Variants in CCDC83 observed in about 807,000 individuals in gnomAD.
CCDC83 encodes coiled-coil domain containing 83.
A neutral mutation model predicts 50.1 loss-of-function variants in CCDC83; 54 were observed. The ratio of observed to expected loss-of-function variants is 1.08; its 90% CI spans 0.87 to 1.35. The LOEUF is 1.35. CCDC83 is among the 40% of genes most tolerant of loss of function. The probability of loss-of-function intolerance (pLI) is 0.00; values close to 1 mark genes in which losing one functional copy is unlikely to be tolerated. For missense variants in CCDC83, 518 were observed against 473.9 expected, an observed-to-expected ratio of 1.09 and a Z score of -0.86; for synonymous variants, 161 against 153.3, an observed-to-expected ratio of 1.05 and a Z score of -0.37.
At chr11:85,860,442 G>T (rs763838028) in intron 1 of CCDC83, among the ~76,000 whole-genome samples, 26 of 151,740 alleles carry the variant, frequency 1.7e-4, no homozygotes, top group Non-Finnish European at 3.4e-4. Flanking sequence ...ACCATGATAA[G>T]ATACTATCAC....
intron 7 of CCDC83, among the ~76,000 whole-genome samples, chr11:85,906,603 G>A (rs2093426653): frequency 6.6e-6 from 1 of 152,190 alleles, no homozygotes; most frequent in Non-Finnish European, 1.5e-5. Context: ...AATCACCTGG[G>A]CATGGTGGCT....
intron 3 of CCDC83, among the ~76,000 whole-genome samples, chr11:85,882,140 A>G (rs1565141440): frequency 6.6e-6 from 1 of 151,962 alleles, no homozygotes; most frequent in African/African-American, 2.4e-5. Flanking sequence ...AAACAAAAAT[A>G]ATAATAATAA....
rs368704693 is a variant in CCDC83, at chr11:85,916,129, G to A, written c.976G>A (p.Glu326Lys). Residue 326 changes from glutamate (E) to lysine (K), a missense_variant, in exon 10 of 11, where the codon GAA becomes AAA. Physicochemically the swap from Glu to Lys is moderately conservative, Grantham distance 56. Transcript: ENST00000342404. ...ACATCTTAGTCATGAAAATAGCATC[G>A]AAGATCTCCAGTATGTGAAGATAGA... ...ILHLSHENSI[E>K]DLQYVKIDKE... 4.9e-5 allele frequency: 79 copies of A among 1,612,550 alleles called. No homozygotes were observed. Among genetic ancestry groups the A allele is most frequent in the African/African-American group, 9.4e-5 (7 of 74,828 alleles).
At chr11:85,911,462 TG>T in intron 8 of CCDC83, 60 bp downstream of exon 8, 2 of 1,435,518 alleles carry the variant, frequency 1.4e-6, no homozygotes, top group Non-Finnish European at 1.9e-6. Flanking sequence ...TGTAAAAAGT[TG>T]TTTTTTTAAA....
At position 85,902,515 on chromosome 11, in the gene CCDC83, T is replaced by C. The variant is rs1786740045; in HGVS notation, c.672+3500T>C. 1.3e-5 allele frequency among the ~76,000 whole-genome samples: 2 copies of C among 152,180 alleles called. 1 individual carries two copies. The highest frequency in any genetic ancestry group is 4.1e-4 in the South Asian group (2 of 4,830). On this transcript the variant is annotated intron_variant, in intron 7 of 10. Coordinates refer to ENST00000342404, the MANE Select transcript of CCDC83 (RefSeq NM_001286159.2). ...AAAAGCATCCCGTCCAAGTTGAAAC[T>C]GATCTCAATTCCAGGCTCTAAAACC...
At chr11:85,918,399 C>T (rs969489050) in intron 10 of CCDC83, among the ~76,000 whole-genome samples, 3 of 152,102 alleles carry the variant, frequency 2.0e-5, no homozygotes, top group African/African-American at 7.2e-5. Flanking sequence ...ATACAGTGAA[C>T]ACTTGGGAAA....
At chr11:85,894,768 C>A (rs962797222) in intron 5 of CCDC83, among the ~76,000 whole-genome samples, 6 of 152,244 alleles carry the variant, frequency 3.9e-5, no homozygotes, top group African/African-American at 1.4e-4. Context: ...AAGGAATGAA[C>A]AAATTGGACT....
chr11:85,916,912 A>T (rs986975809), intron 10 of CCDC83, among the ~76,000 whole-genome samples: 2 of 151,904 alleles, frequency 1.3e-5, no homozygotes, highest in Admixed American at 1.3e-4. Context: ...GAAATTTGAG[A>T]CCAGCCTGGC....
In CCDC83 at chr11:85,860,532, T is replaced by C. The variant is rs147828790; in HGVS notation, c.-28-4564T>C. On this transcript the variant is annotated intron_variant, in intron 1 of 10. Coordinates refer to ENST00000342404, the MANE Select transcript of CCDC83 (RefSeq NM_001286159.2). ...GGTTTAGCAGAAAAGGGAACACTTA[T>C]ACACTGCTGGTGGGAGTATTAAAGA... Among the ~76,000 whole-genome samples, 1,152 of 152,312 alleles carry C rather than the reference T, an allele frequency of 7.6e-3. 21 individuals carry two copies. Among genetic ancestry groups the C allele is most frequent in the African/African-American group, 0.026 (1,089 of 41,570 alleles).
At chr11:85,875,300 C>A (rs1223448424) in intron 3 of CCDC83, among the ~76,000 whole-genome samples, 2 of 152,218 alleles carry the variant, frequency 1.3e-5, no homozygotes, top group East Asian at 3.8e-4. Flanking sequence ...GGCGGGTTAT[C>A]AATATGGTTG....
At chr11:85,896,135 A>G (rs2093373943) in intron 6 of CCDC83, among the ~76,000 whole-genome samples, 1 of 152,162 alleles carries the variant, frequency 6.6e-6, no homozygotes, top group African/African-American at 2.4e-5. Context: ...CCAAAATCCA[A>G]AGAAGTCTGG....
chr11:85,865,796 G>A (rs1348779811), intron 2 of CCDC83, among the ~76,000 whole-genome samples: 1 of 151,826 alleles, frequency 6.6e-6, no homozygotes, highest in East Asian at 1.9e-4. Flanking sequence ...ACTGAGGCAG[G>A]AGAATTGCTC....
At chr11:85,878,312 G>T (rs554875055) in intron 3 of CCDC83, among the ~76,000 whole-genome samples, 11 of 152,104 alleles carry the variant, frequency 7.2e-5, no homozygotes, top group Non-Finnish European at 1.6e-4. Context: ...TCCCTCATGT[G>T]ACCTTTAAAG....
chr11:85,861,882 G>A (rs745433785), intron 1 of CCDC83, among the ~76,000 whole-genome samples: 13 of 151,274 alleles, frequency 8.6e-5, no homozygotes, highest in Non-Finnish European at 1.9e-4. Context: ...GGTAGCATGC[G>A]CCTGTAATCC....
chr11:85,888,609 C>A (rs917179830), intron 5 of CCDC83, among the ~76,000 whole-genome samples: 1 of 152,012 alleles, frequency 6.6e-6, no homozygotes, highest in African/African-American at 2.4e-5. Flanking sequence ...AAATGATGTG[C>A]TTTTAAAGTG....
intron 8 of CCDC83, 140 bp downstream of exon 8, chr11:85,911,542 T>C: frequency 1.5e-6 from 1 of 667,576 alleles, no homozygotes; most frequent in Non-Finnish European, 2.4e-6. Context: ...AAAAAAATGC[T>C]CATGGTGAAG....
chr11:85,906,558 C>T (rs747905770), intron 7 of CCDC83, among the ~76,000 whole-genome samples: 5 of 152,112 alleles, frequency 3.3e-5, no homozygotes, highest in Non-Finnish European at 7.4e-5. Context: ...AGTTTAATGG[C>T]ATCAGGAACA....
In CCDC83 at chr11:85,911,318, A is replaced by G; in HGVS notation, c.710A>G (p.Asn237Ser). ...IHRKEVEELKNAIHELEAENL... is the reference protein window; with the variant it reads ...IHRKEVEELKSAIHELEAENL... Reference sequence around the variant, plus strand: ...AGGAAGGAAGTTGAAGAATTAAAAAATGCTATTCATGAACTGGAAGCAGAA... The same window carrying G: ...AGGAAGGAAGTTGAAGAATTAAAAAGTGCTATTCATGAACTGGAAGCAGAA... The change falls in exon 8 of 11, where the codon AAT (asparagine) becomes AGT (serine). Residue 237 changes from asparagine (N) to serine (S), a missense_variant. Transcript: ENST00000342404. The G allele has an allele frequency of 6.2e-7, 1 of 1,611,198 alleles. No homozygotes were observed. Among genetic ancestry groups the G allele is most frequent in the Non-Finnish European group, 8.5e-7 (1 of 1,178,488 alleles).
chr11:85,865,256 TAAAA>T, intron 2 of CCDC83, 38 bp downstream of exon 2: 1 of 1,224,840 alleles, frequency 8.2e-7, no homozygotes, highest in Non-Finnish European at 1.2e-6. Flanking sequence ...TTGCCATAGA[TAAAA>T]GGCAGTCATT....
Sources: allele counts gnomAD v4.1 joint callset (sites outside exome capture counted in the v4.1 genomes callset), GRCh38; gene constraint gnomAD v4.1.1; transcripts MANE v1.5; gene names NCBI Gene and HGNC (gene_info 2026-07-23, HGNC 2026-07-21).